BRF1: variants seen among roughly 807,000 people sequenced by gnomAD.
BRF1 encodes transcription factor IIIB 90 kDa subunit.
BRF1 carries 59 observed loss-of-function variants against 81.7 expected under a neutral mutation model. That is an observed-to-expected ratio of 0.72 (90% CI 0.59 to 0.90). The LOEUF is 0.90. BRF1 is among the 40% of genes least tolerant of loss of function. The pLI, the probability that BRF1 is intolerant of heterozygous loss-of-function variation, is 0.00. For synonymous variants in BRF1, 491 were observed against 395.6 expected, an observed-to-expected ratio of 1.24 and a Z score of -2.86; for missense variants, 1,050 against 936.3, an observed-to-expected ratio of 1.12 and a Z score of -1.58.
At chr14:105,229,063 T>C (rs1175513309) in intron 6 of BRF1, 150 bp from the exon 7 acceptor site, 5 of 720,498 alleles carry the variant, frequency 6.9e-6, no homozygotes, top group African/African-American at 5.1e-5. Context: ...TCACTTGGCA[T>C]GGCTACTCCT....
In BRF1 at chr14:105,219,060, G is replaced by T. The variant is rs1452141134; in HGVS notation, c.1460-7C>A. 1 of 1,613,918 alleles carries T rather than the reference G, an allele frequency of 6.2e-7. No homozygotes were observed. Among genetic ancestry groups the T allele is most frequent in the East Asian group, 2.2e-5 (1 of 44,882 alleles). On this transcript the variant is annotated splice_region_variant and splice_polypyrimidine_tract_variant and intron_variant, in intron 13 of 17. Transcript: ENST00000547530. ...GCTATTCTTGCTTCTTTTTCTAAAA[G>T]TTCAGAAAGGGGGCCAGCGTCACTG...
intron 2 of BRF1, among the ~76,000 whole-genome samples, chr14:105,282,600 T>C (rs1010124594): frequency 2.0e-5 from 3 of 152,114 alleles, no homozygotes; most frequent in African/African-American, 7.2e-5. Context: ...ACATAACCCA[T>C]GATAAATCAA....
chr14:105,315,020 C>A lies in BRF1; in HGVS notation c.-162+302G>T. ...CCACCTGGGAGGTGGACGGCTCCAG[C>A]CCCAGCTGCGTGCCCAGGTACGCGC... On this transcript the variant is annotated intron_variant, in intron 1 of 17. Transcript: ENST00000327359. This position sits in a 1 kb window ranked among gnomAD's most constrained non-coding sequence, Gnocchi z 4.4. 1 of 1,226,114 alleles carries A rather than the reference C, an allele frequency of 8.2e-7. No homozygotes were observed. The highest frequency in any genetic ancestry group is 1.0e-6 in the Non-Finnish European group (1 of 965,282). The allele number at this position is 1,226,114 out of a possible 1,614,324, so 76.0% of individuals were successfully genotyped here.
intron 1 of BRF1, among the ~76,000 whole-genome samples, chr14:105,297,853 G>A (rs8013866): frequency 0.035 from 5,288 of 152,176 alleles, 302 homozygotes; most frequent in African/African-American, 0.12. Flanking sequence ...AAAATTAGCC[G>A]GGCGTGGTGG....
Position 105,226,760 on chromosome 14 carries a change from C to A in BRF1, c.789G>T (p.Arg263Ser). Residue 263 changes from arginine to serine, a missense_variant and splice_region_variant, in exon 8 of 18, where the codon AGG becomes AGT. Coordinates refer to ENST00000547530, the MANE Select transcript of BRF1 (RefSeq NM_001519.4). ...TGGGGGTGTCTTCAAATTCCGTGAG[C>A]CTAAAATGGAGCCAGACATGGGAAA... The part of the protein sequence containing the change: ...VKVCESTLRK[R>S]LTEFEDTPTS... 1 of 1,613,500 alleles carries A rather than the reference C, an allele frequency of 6.2e-7. No individual in the cohort carries two copies. The highest frequency in any genetic ancestry group is 2.2e-5 in the East Asian group (1 of 44,874).
chr14:105,306,428 C>T (rs142617367), intron 1 of BRF1, among the ~76,000 whole-genome samples: 5,795 of 152,132 alleles, frequency 0.038, 410 homozygotes, highest in African/African-American at 0.13. Context: ...CTCAGCCTCC[C>T]GATTAGCTGG....
At chr14:105,224,787 C>G (rs933080751) in intron 10 of BRF1, among the ~76,000 whole-genome samples, 1 of 152,192 alleles carries the variant, frequency 6.6e-6, no homozygotes, top group Non-Finnish European at 1.5e-5. Context: ...TCAAGCAGTC[C>G]TCCTGTATTT....
chr14:105,296,967 G>A (rs1566875131), intron 1 of BRF1, among the ~76,000 whole-genome samples: 5 of 152,046 alleles, frequency 3.3e-5, no homozygotes, highest in Admixed American at 3.3e-4. Context: ...AGACCAGCCT[G>A]GCCAACATGG....
intron 16 of BRF1, chr14:105,211,574 C>T (rs1890118983): frequency 4.1e-6 from 2 of 489,648 alleles, no homozygotes; most frequent in Non-Finnish European, 7.2e-6. Context: ...GCATGCAGAA[C>T]ACCTTTCCAG....
chr14:105,219,621 C>T, intron 12 of BRF1: 1 of 413,180 alleles, frequency 2.4e-6, no homozygotes, highest in Non-Finnish European at 4.4e-6. Context: ...GCCATGAAAT[C>T]AGGGAAGACG....
intron 5 of BRF1, 106 bp from the exon 6 acceptor site, chr14:105,241,520 C>T (rs920039795): frequency 1.0e-5 from 14 of 1,382,220 alleles, no homozygotes; most frequent in East Asian, 4.8e-5. Flanking sequence ...TCTTTCCAGG[C>T]CCCCAGGCCC....
At position 105,293,347 on chromosome 14, in the gene BRF1, C is replaced by T. The variant is rs587747501; in HGVS notation, c.185-6971G>A. Among the ~76,000 whole-genome samples, 3 of 152,328 alleles carry T rather than the reference C, an allele frequency of 2.0e-5. 1 individual carries two copies. The highest frequency in any genetic ancestry group is 4.1e-4 in the South Asian group (2 of 4,830). On this transcript the variant is annotated intron_variant, in intron 1 of 17. Transcript: ENST00000547530. ...TGACCCCAAACGGAAAACAGCAGCA[C>T]TCACGGACACCCCAGCTTCGAAGTT...
chr14:105,211,002 T>C, intron 17 of BRF1, 120 bp downstream of exon 17: 1 of 1,484,786 alleles, frequency 6.7e-7, no homozygotes, highest in East Asian at 2.3e-5. Flanking sequence ...TCAAATTTCT[T>C]TCCAGGGAGA....
At chr14:105,224,313 G>A (rs1892756902) in intron 10 of BRF1, among the ~76,000 whole-genome samples, 1 of 152,206 alleles carries the variant, frequency 6.6e-6, no homozygotes, top group South Asian at 2.1e-4. Flanking sequence ...AGGTTGTGGT[G>A]AGCTGAGATT....
chr14:105,256,980 G>A (rs2055909307), intron 3 of BRF1, among the ~76,000 whole-genome samples: 1 of 152,158 alleles, frequency 6.6e-6, no homozygotes, highest in Admixed American at 6.6e-5. Flanking sequence ...AAGGGCACTT[G>A]CTGAGCACCT....
chr14:105,267,837 A>T (rs1276419355), intron 3 of BRF1, among the ~76,000 whole-genome samples: 1 of 152,230 alleles, frequency 6.6e-6, no homozygotes, highest in Non-Finnish European at 1.5e-5. Flanking sequence ...CCCAGACCCC[A>T]GAATGGAATA....
At chr14:105,256,249 C>T (rs2055860238) in intron 4 of BRF1, 6 of 1,542,124 alleles carry the variant, frequency 3.9e-6, no homozygotes, top group Non-Finnish European at 5.2e-6. Context: ...GTTCACTGTT[C>T]ACCCAGGCCT....
rs147496270 is a variant in BRF1, at chr14:105,267,623, A to T, written c.439+5098T>A. Among the ~76,000 whole-genome samples, 551 of 152,272 alleles carry T rather than the reference A, an allele frequency of 3.6e-3. 1 individual carries two copies. The highest frequency in any genetic ancestry group is 0.013 in the African/African-American group (528 of 41,566). ...CCACTGTGCCTGACCTGAAATGCCA[A>T]CGTCTTCATGCCTAATGATGTGTGC... On this transcript the variant is annotated intron_variant, in intron 3 of 17. Coordinates refer to ENST00000547530, the MANE Select transcript of BRF1 (RefSeq NM_001519.4).
chr14:105,299,477 A>G (rs987542610), intron 1 of BRF1, among the ~76,000 whole-genome samples: 1 of 152,154 alleles, frequency 6.6e-6, no homozygotes, highest in African/African-American at 2.4e-5. Flanking sequence ...CAGGAGGTTG[A>G]GGCAGGAGAA....
Sources: gnomAD v4.1 joint callset for allele counts (sites outside exome capture counted in the v4.1 genomes callset) on GRCh38, gnomAD v4.1.1 for gene constraint, Gnocchi (gnomAD v3.1) non-coding constraint, MANE v1.5 for transcripts, NCBI Gene and HGNC (gene_info 2026-07-23, HGNC 2026-07-21) for gene names.